The following RAF1 variants were observed in gnomAD, a reference collection of about 807,000 sequenced individuals.
The protein encoded by RAF1 is RAF proto-oncogene serine/threonine-protein kinase.
Under a neutral mutation model 81.1 loss-of-function variants are expected in RAF1, and 27 were observed. The observed-to-expected ratio is 0.33, with a 90% CI of 0.25 to 0.46. RAF1 has a LOEUF of 0.46. Among genes scored for constraint, RAF1 ranks in the 20% least tolerant of loss-of-function variants. RAF1 has a pLI of 1.00. For synonymous variants in RAF1, 298 were observed against 294.0 expected (o/e 1.01, Z -0.14); for missense variants, 598 against 826.0 (o/e 0.72, Z 3.38).
At chr3:12,629,731 C>T (rs2059808685) in intron 1 of RAF1, among the ~76,000 whole-genome samples, 1 of 152,154 alleles carries the variant, frequency 6.6e-6, no homozygotes, top group Non-Finnish European at 1.5e-5. Context: ...CTCTGGCTTC[C>T]TGGTATCTGG....
intron 1 of RAF1, among the ~76,000 whole-genome samples, chr3:12,637,128 A>C (rs1350768354): frequency 6.6e-6 from 1 of 152,200 alleles, no homozygotes; most frequent in East Asian, 1.9e-4. Flanking sequence ...CTAGTAAAAC[A>C]AATTCTTCAA....
At chr3:12,642,590 G>A (rs1035340590) in intron 1 of RAF1, among the ~76,000 whole-genome samples, 4 of 151,160 alleles carry the variant, frequency 2.6e-5, no homozygotes, top group African/African-American at 9.7e-5. Context: ...GATGAAGCCA[G>A]TTTCTCAATG....
intron 11 of RAF1, 176 bp from the exon 11 acceptor site, chr3:12,591,968 G>A (rs958874688): frequency 1.1e-4 from 68 of 646,004 alleles, no homozygotes; most frequent in Non-Finnish European, 1.8e-4. Context: ...CTGTTGTCTA[G>A]GCTAGAGTGC....
intron 1 of RAF1, among the ~76,000 whole-genome samples, chr3:12,651,561 G>A (rs62240818): frequency 6.6e-6 from 1 of 151,960 alleles, no homozygotes; most frequent in Admixed American, 6.6e-5. Flanking sequence ...TGGAACCCGG[G>A]AGGCGGGGGT....
rs147466028 is a variant in RAF1, at chr3:12,652,585, A to G, written c.-27+11228T>C. Among the ~76,000 whole-genome samples, 426 of 151,076 alleles carry G rather than the reference A, an allele frequency of 2.8e-3. 3 individuals carry two copies. Among genetic ancestry groups the G allele is most frequent in the South Asian group, 7.2e-3 (35 of 4,830 alleles). On this transcript the variant is annotated intron_variant, in intron 1 of 17. Coordinates refer to ENST00000442415, the MANE Select transcript of RAF1 (RefSeq NM_001354689.3). ...ACCATACATAACACCATTTGCACAG[A>G]CACACATTCACACTTGAGAGAAATG...
chr3:12,604,109 A>C (rs2125396594), intron 7 of RAF1, 27 bp downstream of exon 7: 1 of 1,613,462 alleles, frequency 6.2e-7, no homozygotes, highest in Non-Finnish European at 8.5e-7. Context: ...ATTGACTGAC[A>C]TTACCACCCC....
At chr3:12,659,461 G>A (rs1177792297) in intron 1 of RAF1, among the ~76,000 whole-genome samples, 6 of 94,624 alleles carry the variant, frequency 6.3e-5, no homozygotes. Context: ...CGCAAGATAA[G>A]TTAGCCCTAT....
intron 1 of RAF1, among the ~76,000 whole-genome samples, chr3:12,626,127 C>T (rs933615274): frequency 2.0e-5 from 3 of 151,008 alleles, no homozygotes. Context: ...ATTAGCCAAG[C>T]GTGGTGGTGC....
At chr3:12,638,496 A>G (rs2060092758) in intron 1 of RAF1, among the ~76,000 whole-genome samples, 1 of 152,256 alleles carries the variant, frequency 6.6e-6, no homozygotes, top group East Asian at 1.9e-4. Flanking sequence ...AGACCAGCTG[A>G]TAATAATACC....
At position 12,608,762 on chromosome 3, in the gene RAF1, T is replaced by C. The variant is rs201776526; in HGVS notation, c.581+4A>G. ...CTTCCTTGGATAAAAGAACAATGCC[T>C]TACAAGAGTTGTCTGATGTTACTCC... On this transcript the variant is annotated splice_donor_region_variant and intron_variant, in intron 5 of 17. Coordinates refer to ENST00000442415, the MANE Select transcript of RAF1 (RefSeq NM_001354689.3). 4.0e-4 allele frequency: 640 copies of C among 1,613,864 alleles called. 8 individuals carry two copies. Among genetic ancestry groups the C allele is most frequent in the Non-Finnish European group, 5.7e-5 (67 of 1,179,728 alleles).
intron 3 of RAF1, among the ~76,000 whole-genome samples, chr3:12,609,559 A>C (rs1247541557): frequency 6.6e-6 from 1 of 152,226 alleles, no homozygotes; most frequent in Admixed American, 6.5e-5. Flanking sequence ...AAGGCCACAC[A>C]GCAAGTTTAA....
At position 12,660,036 on chromosome 3, in the gene RAF1, G is replaced by A. The variant is rs75999508; in HGVS notation, c.-27+3777C>T. 6.1e-3 allele frequency among the ~76,000 whole-genome samples: 930 copies of A among 152,022 alleles called. 69 individuals are homozygous for A. The East Asian group carries it at 0.16, about 26-fold the overall frequency. ...AGTTATCAATTATATTTTTTATTTC[G>A]TAAATAATCCAGTGCTTCTGGAAAA... On this transcript the variant is annotated intron_variant, in intron 1 of 17. Transcript: ENST00000442415.
At chr3:12,650,127 C>T (rs2060475393) in intron 1 of RAF1, among the ~76,000 whole-genome samples, 1 of 119,542 alleles carries the variant, frequency 8.4e-6, no homozygotes, top group African/African-American at 3.2e-5. Flanking sequence ...GCCCGGGAGA[C>T]AGTGCGAGAC....
intron 1 of RAF1, among the ~76,000 whole-genome samples, chr3:12,623,841 T>TC (rs2059621985): frequency 1.5e-5 from 2 of 132,570 alleles, no homozygotes; most frequent in African/African-American, 5.4e-5. Context: ...AGTTAATGTT[T>TC]CCTAACCCTT....
intron 11 of RAF1, 70 bp downstream of exon 10, chr3:12,599,621 G>C: frequency 8.6e-7 from 1 of 1,161,854 alleles, no homozygotes; most frequent in South Asian, 1.2e-5. Context: ...TCCTCCTCCT[G>C]GCCCCCTGGG....
chr3:12,612,260 G>C (rs1170689024), intron 2 of RAF1, among the ~76,000 whole-genome samples, 198 bp from the exon 3 acceptor site: 2 of 152,168 alleles, frequency 1.3e-5, no homozygotes, highest in Non-Finnish European at 2.9e-5. Flanking sequence ...ACATTATGCA[G>C]CTATTATATT....
intron 11 of RAF1, among the ~76,000 whole-genome samples, chr3:12,592,980 G>GC (rs1366529857): frequency 1.3e-5 from 2 of 151,280 alleles, no homozygotes; most frequent in Non-Finnish European, 3.0e-5. Context: ...ACCTTGTGAG[G>GC]CCTCCCACCT....
rs1342693935 is a variant in RAF1, at chr3:12,609,071, TCTGA to T, written c.424-152_424-149del. 4.1e-5 allele frequency: 46 copies of T among 1,126,100 alleles called. No individual in the cohort carries two copies. In the African/African-American group the frequency reaches 5.3e-4, roughly 13 times the overall value. The allele number at this position is 1,126,100 out of a possible 1,614,324, so 69.8% of individuals were successfully genotyped here. A position where few individuals can be genotyped will look rare whatever the true frequency, so the allele number is the denominator to read the frequency against. On this transcript the variant is annotated intron_variant, in intron 4 of 17. Transcript: ENST00000442415. ...TCATAATCACAAATTAGAGTATATC[TCTGA>T]CTAATGAAATCTAAATTGCCTTACT...
At chr3:12,655,632 C>T (rs562808507) in intron 1 of RAF1, among the ~76,000 whole-genome samples, 239 of 152,236 alleles carry the variant, frequency 1.6e-3, no homozygotes, top group African/African-American at 5.5e-3. Context: ...CCAATGTTCA[C>T]TGCAGCATTA....
Sources: gnomAD v4.1 joint callset for allele counts (sites outside exome capture counted in the v4.1 genomes callset) on GRCh38, gnomAD v4.1.1 for gene constraint, MANE v1.5 for transcripts, NCBI Gene and HGNC (gene_info 2026-07-23, HGNC 2026-07-21) for gene names.